SOX6: variants seen among roughly 807,000 people sequenced by gnomAD.
SOX6 encodes transcription factor SOX-6.
Under a neutral mutation model 97.8 loss-of-function variants are expected in SOX6, and 11 were observed. That is an observed-to-expected ratio of 0.11 (90% confidence interval 0.07 to 0.19). The LOEUF (loss-of-function observed/expected upper bound fraction) is 0.19. Ranked by LOEUF, SOX6 falls within the 10% of genes least tolerant of loss-of-function variation. The pLI, the probability that SOX6 is intolerant of heterozygous loss-of-function variation, is 1.00. For synonymous variants in SOX6, 360 were observed against 371.4 expected, an observed-to-expected ratio of 0.97 and a Z score of 0.35; for missense variants, 810 against 1,039.5, an observed-to-expected ratio of 0.78 and a Z score of 3.04.
intron 6 of SOX6, among the ~76,000 whole-genome samples, chr11:16,138,986 A>G (rs980893670): frequency 7.9e-5 from 12 of 152,060 alleles, no homozygotes; most frequent in Non-Finnish European, 1.5e-4. Context: ...AGATTTCAAG[A>G]CAGTTATTTT....
chr11:16,486,861 C>T (rs1339278608), intron 4 of SOX6, among the ~76,000 whole-genome samples: 1 of 151,698 alleles, frequency 6.6e-6, no homozygotes, highest in Non-Finnish European at 1.5e-5. Flanking sequence ...ATTAAATGTG[C>T]ACATGTACCC....
chr11:16,641,068 C>G (rs1002503428), intron 3 of SOX6, among the ~76,000 whole-genome samples: 6 of 152,220 alleles, frequency 3.9e-5, no homozygotes, highest in African/African-American at 1.4e-4. Context: ...TTTCCCTCTA[C>G]ACACTGCTTT....
chr11:16,343,127 A>G (rs899312550), intron 1 of SOX6, among the ~76,000 whole-genome samples: 2 of 151,630 alleles, frequency 1.3e-5, no homozygotes, highest in Non-Finnish European at 3.0e-5. Context: ...GAATTGCTGT[A>G]TGGCTTACTT....
intron 13 of SOX6, among the ~76,000 whole-genome samples, chr11:15,999,504 T>G (rs112630650): frequency 0.01 from 1,538 of 152,182 alleles, 25 homozygotes; most frequent in African/African-American, 0.035. Context: ...ATAAAACTAT[T>G]GTAACTCTTA....
chr11:16,329,117 A>G (rs1393635843), intron 2 of SOX6, among the ~76,000 whole-genome samples: 1 of 152,164 alleles, frequency 6.6e-6, no homozygotes, highest in Non-Finnish European at 1.5e-5. Flanking sequence ...CAATAAAATT[A>G]TTCATAGATG....
At chr11:16,359,208 A>C (rs588470), upstream of SOX6, among the ~76,000 whole-genome samples, 59,900 of 151,846 alleles carry the variant, frequency 0.39, 12,477 homozygotes, top group East Asian at 0.47. Context: ...GGAACTAAAA[A>C]AAAAAAGGAC....
intron 1 of SOX6, among the ~76,000 whole-genome samples, chr11:16,453,181 T>C: frequency 6.6e-6 from 1 of 152,200 alleles, no homozygotes; most frequent in East Asian, 1.9e-4. Context: ...ACTATTGTTC[T>C]TGGCTATTTT....
At chr11:16,166,956 A>G (rs1186619311) in intron 6 of SOX6, among the ~76,000 whole-genome samples, 1 of 152,168 alleles carries the variant, frequency 6.6e-6, no homozygotes, top group Non-Finnish European at 1.5e-5. Context: ...GAGGGCCATG[A>G]ACATTAGGCT....
chr11:16,645,856 T>G (rs1044020999), intron 3 of SOX6: 1 of 152,354 alleles, frequency 6.6e-6, no homozygotes, highest in South Asian at 2.1e-4. Context: ...ACCATCCAGT[T>G]TGTGGTACTT....
chr11:16,333,950 G>A lies in SOX6; in HGVS notation c.237+7062C>T, dbSNP rs141177244. Among the ~76,000 whole-genome samples, 168 of 152,142 alleles carry A rather than the reference G, an allele frequency of 1.1e-3. 1 individual carries two copies. Among genetic ancestry groups the A allele is most frequent in the African/African-American group, 3.9e-3 (161 of 41,504 alleles). ...AAAACAAAATATCCATCAAACTGAG[G>A]CAAACATAAAACTGAGGCAAATTAG... On this transcript the variant is annotated intron_variant, in intron 2 of 15. Transcript: ENST00000683767.
intron 4 of SOX6, among the ~76,000 whole-genome samples, chr11:16,189,160 T>C (rs572649723): frequency 3.5e-4 from 54 of 152,166 alleles, no homozygotes; most frequent in African/African-American, 1.3e-3. Flanking sequence ...ATAAGACAAA[T>C]GTTCTGTGGG....
intron 4 of SOX6, among the ~76,000 whole-genome samples, chr11:16,603,618 G>A (rs551508854): frequency 6.6e-6 from 1 of 152,178 alleles, no homozygotes; most frequent in African/African-American, 2.4e-5. Flanking sequence ...TGCCAAGCCT[G>A]GAATGGTCTT....
chr11:16,416,021 A>G (rs1217765575), intron 1 of SOX6, among the ~76,000 whole-genome samples: 1 of 152,172 alleles, frequency 6.6e-6, no homozygotes. Context: ...AAGAGTATAC[A>G]CTTACTCTGT....
At chr11:16,325,156 T>C (rs1489315910) in intron 2 of SOX6, among the ~76,000 whole-genome samples, 1 of 152,122 alleles carries the variant, frequency 6.6e-6, no homozygotes, top group East Asian at 1.9e-4. Context: ...AATAATACTT[T>C]TAATCAGAAA....
chr11:16,417,279 A>G (rs570355921), intron 1 of SOX6, among the ~76,000 whole-genome samples: 1 of 152,256 alleles, frequency 6.6e-6, no homozygotes, highest in South Asian at 2.1e-4. Context: ...CCCCTGGCCC[A>G]TCCTATCAAT....
At chr11:16,540,970 A>T (rs2133177359) in intron 4 of SOX6, among the ~76,000 whole-genome samples, 2 of 152,306 alleles carry the variant, frequency 1.3e-5, no homozygotes, top group Non-Finnish European at 2.9e-5. Flanking sequence ...GGAAAAAACT[A>T]TTCTAAAGTT....
rs1458271539 is a variant in SOX6 at position 16,055,765 on chromosome 11, A to G, written c.1238T>C (p.Val413Ala). The G allele has an allele frequency of 4.3e-6, 7 of 1,613,630 alleles. No individual in the cohort carries two copies. The highest frequency in any genetic ancestry group is 5.1e-6 in the Non-Finnish European group (6 of 1,179,752). ...IKNEKRGTSP[V>A]TQVKDEAAAQ... ...AGGCGAGTGTACCTTAACTTGAGTT[A>G]CAGGGCTGGTCCCTCTCTTTTCATT... Residue 413 changes from valine to alanine, a missense_variant, in exon 10 of 16, where the codon GTA becomes GCA. Around this residue, in one of 9 missense-constraint regions of SOX6, gnomAD observed 244 missense variants for 261.0 expected, o/e 0.93. Coordinates refer to ENST00000683767, the MANE Select transcript of SOX6 (RefSeq NM_001367873.1).
At chr11:16,558,839 G>C (rs1293023227) in intron 4 of SOX6, among the ~76,000 whole-genome samples, 1 of 151,896 alleles carries the variant, frequency 6.6e-6, no homozygotes, top group Non-Finnish European at 1.5e-5. Context: ...CTAAATAGCA[G>C]CTTTTTCTTT....
At chr11:16,254,979 A>G (rs536949513) in intron 3 of SOX6, among the ~76,000 whole-genome samples, 1 of 152,246 alleles carries the variant, frequency 6.6e-6, no homozygotes, top group South Asian at 2.1e-4. Context: ...AGCAATAGTA[A>G]TAAGACAAAG....
Sources: allele counts gnomAD v4.1 joint callset (sites outside exome capture counted in the v4.1 genomes callset), GRCh38; gene constraint gnomAD v4.1.1; regional missense constraint gnomAD v4.1.1; transcripts MANE v1.5; gene names NCBI Gene and HGNC (gene_info 2026-07-23, HGNC 2026-07-21).